The following NTN5 variants were observed in gnomAD, a reference collection of about 807,000 sequenced individuals.
NTN5 encodes the protein netrin 5, also known as netrin-5.
Under a neutral mutation model 38.7 loss-of-function variants are expected in NTN5, and 42 were observed. The observed-to-expected ratio is 1.08, with a 90% CI of 0.85 to 1.40. The LOEUF is 1.40. Among genes scored for constraint, NTN5 ranks in the 40% most tolerant of loss-of-function variants. NTN5 has a pLI of 0.00. For missense variants in NTN5, 658 were observed against 716.5 expected, an observed-to-expected ratio of 0.92 and a Z score of 0.93; for synonymous variants, 329 against 303.9, an observed-to-expected ratio of 1.08 and a Z score of -0.86.
chr19:48,665,800 CAG>C (rs906783137), intron 2 of NTN5, among the ~76,000 whole-genome samples: 1 of 149,682 alleles, frequency 6.7e-6, no homozygotes, highest in Non-Finnish European at 1.5e-5. Flanking sequence ...GCCAGGGTGA[CAG>C]AGCAAGACTC....
intron 6 of NTN5, 75 bp from the exon 7 acceptor site, chr19:48,662,116 C>T (rs2031566777): frequency 7.6e-7 from 1 of 1,322,668 alleles, no homozygotes; most frequent in Non-Finnish European, 9.7e-7. Flanking sequence ...GGGTCAGTCA[C>T]AGTGGGCAGG....
At chr19:48,668,898 G>A (rs535285762) in intron 2 of NTN5, among the ~76,000 whole-genome samples, 1 of 151,630 alleles carries the variant, frequency 6.6e-6, no homozygotes, top group African/African-American at 2.4e-5. Flanking sequence ...ATCCAGCCAG[G>A]CCCTGGGATG....
At position 48,666,677 on chromosome 19, in the gene NTN5, CT is replaced by C. The variant is rs35638493; in HGVS notation, c.632-1911del. On this transcript the variant is annotated intron_variant, in intron 2 of 6. Transcript: ENST00000270235. ...TGATACAGGGGGTTCACAGACCACTCTTTTTTTTTTTTTTTTTTTTTTTTTT... is the reference window on the plus strand; with the variant it reads ...TGATACAGGGGGTTCACAGACCACTCTTTTTTTTTTTTTTTTTTTTTTTTT... Among the ~76,000 whole-genome samples the C allele has an allele frequency of 3.5e-3, 142 of 41,156 alleles. 1 individual carries two copies. The highest frequency in any genetic ancestry group is 0.015 in the African/African-American group (130 of 8,962). 27.0% of individuals were successfully genotyped at this position (41,156 alleles called of 152,430 possible).
At chr19:48,666,999 G>A (rs1382337080) in intron 2 of NTN5, among the ~76,000 whole-genome samples, 1 of 151,990 alleles carries the variant, frequency 6.6e-6, no homozygotes, top group Admixed American at 6.6e-5. Flanking sequence ...GAAGAGTTGT[G>A]GGATAATCAG....
intron 2 of NTN5, 113 bp downstream of exon 2, chr19:48,670,243 G>A: frequency 8.7e-7 from 1 of 1,146,060 alleles, no homozygotes; most frequent in East Asian, 3.1e-5. Context: ...ACTGGGGTGA[G>A]AGGCAAGGAG....
Position 48,671,012 on chromosome 19 carries a change from G to T in NTN5, c.-20-6C>A. Reference sequence around the variant, plus strand: ...GGTCACAGCAGAGCCAGCACCTGGAGGGAAGAGAGGTGGCTGGGCTGGGGA... The same window carrying T: ...GGTCACAGCAGAGCCAGCACCTGGATGGAAGAGAGGTGGCTGGGCTGGGGA... On this transcript the variant is annotated splice_region_variant and splice_polypyrimidine_tract_variant and intron_variant, in intron 1 of 6. Coordinates refer to ENST00000270235, the MANE Select transcript of NTN5 (RefSeq NM_145807.4). The T allele has an allele frequency of 6.7e-7, 1 of 1,488,752 alleles. No individual in the cohort carries two copies. Among genetic ancestry groups the T allele is most frequent in the South Asian group, 1.4e-5 (1 of 72,300 alleles). The allele number at this position is 1,488,752 out of a possible 1,614,324, so 92.2% of individuals were successfully genotyped here.
At chr19:48,671,194 G>C (rs966736051) in intron 1 of NTN5, among the ~76,000 whole-genome samples, 188 bp from the exon 2 acceptor site, 1 of 152,114 alleles carries the variant, frequency 6.6e-6, no homozygotes, top group African/African-American at 2.4e-5. Context: ...GGGAAAGAAC[G>C]CAGACAAAAT....
Position 48,661,530 on chromosome 19 carries a change from G to T in NTN5, c.*147C>A. ...CCGCCTTTTGCTAAAAGTTCCGCACGCCTGCTCGGCGTGGGCGCAAGCATA... is the reference window on the plus strand; with the variant it reads ...CCGCCTTTTGCTAAAAGTTCCGCACTCCTGCTCGGCGTGGGCGCAAGCATA... On this transcript the variant is annotated 3_prime_UTR_variant, in exon 7 of 7. Coordinates refer to ENST00000270235, the MANE Select transcript of NTN5 (RefSeq NM_145807.4). 2 of 1,010,686 alleles carry T rather than the reference G, an allele frequency of 2.0e-6. No homozygotes were observed. Among genetic ancestry groups the T allele is most frequent in the Non-Finnish European group, 2.6e-6 (2 of 771,238 alleles). The allele number at this position is 1,010,686 out of a possible 1,614,324, so 62.6% of individuals were successfully genotyped here. A position where few individuals can be genotyped will look rare whatever the true frequency, so the allele number is the denominator to read the frequency against.
At chr19:48,671,632 GC>G (rs2031964558) in intron 1 of NTN5, among the ~76,000 whole-genome samples, 1 of 151,990 alleles carries the variant, frequency 6.6e-6, no homozygotes, top group Admixed American at 6.6e-5. Flanking sequence ...AGCCTGGCAG[GC>G]CCTGGGGAGG....
rs1240509044 is a variant in NTN5, at chr19:48,661,804, C to T, written c.1343G>A (p.Arg448His). 5.9e-6 allele frequency: 8 copies of T among 1,356,804 alleles called. No homozygotes were observed. The highest frequency in any genetic ancestry group is 3.3e-5 in the East Asian group (1 of 30,426). 84.0% of individuals were successfully genotyped at this position (1,356,804 alleles called of 1,614,324 possible). A position where few individuals can be genotyped will look rare whatever the true frequency, so the allele number is the denominator to read the frequency against. ...CCTCCATGGCAGCGCGAGGCCGTGG[C>T]GGTCGAGGATGAGGCGCGTGGGGTC... ...DPDPTRLILD[R>H]HGLALPWRPR... The change falls in exon 7 of 7, where the codon CGC becomes CAC. Residue 448 changes from arginine (R) to histidine (H), a missense_variant. Coordinates refer to ENST00000270235, the MANE Select transcript of NTN5 (RefSeq NM_145807.4).
chr19:48,666,047 C>T (rs1045218031), intron 2 of NTN5, among the ~76,000 whole-genome samples: 3 of 152,204 alleles, frequency 2.0e-5, no homozygotes, highest in African/African-American at 7.2e-5. Flanking sequence ...GTCTAGCATT[C>T]GTACGTGCAG....
rs747630484 is a variant in NTN5 at position 48,663,811 on chromosome 19, A to G, written c.974T>C (p.Ile325Thr). ...SRSPRMPCQR[I>T]PEATTTLATT... ...GGCAAGGGTGGTTGTTGCCTCTGGAATTCCTGTGAGACCAAAGGAGAAATT... is the reference window on the plus strand; with the variant it reads ...GGCAAGGGTGGTTGTTGCCTCTGGAGTTCCTGTGAGACCAAAGGAGAAATT... Residue 325 changes from isoleucine to threonine, a missense_variant, in exon 5 of 7, where the codon ATT becomes ACT. Ile to Thr is a moderately conservative substitution (Grantham distance 89, BLOSUM62 -1). Coordinates refer to ENST00000270235, the MANE Select transcript of NTN5 (RefSeq NM_145807.4). 3 of 1,613,946 alleles carry G rather than the reference A, an allele frequency of 1.9e-6. No homozygotes were observed. Among genetic ancestry groups the G allele is most frequent in the Non-Finnish European group, 2.5e-6 (3 of 1,179,812 alleles).
In NTN5 at chr19:48,664,792, G is replaced by A. The variant is rs996377650; in HGVS notation, c.632-25C>T. ...GCTAGGAGCAAAATGGGGTGGGGGC[G>A]CATCAGGGCCGAGTGTGCTGCTCCC... On this transcript the variant is annotated intron_variant, in intron 2 of 6. Coordinates refer to ENST00000270235, the MANE Select transcript of NTN5 (RefSeq NM_145807.4). 9.3e-6 allele frequency: 14 copies of A among 1,505,346 alleles called. No homozygotes were observed. The African/African-American group carries it at 1.1e-4, about 12-fold the overall frequency. The allele number at this position is 1,505,346 out of a possible 1,614,324, so 93.2% of individuals were successfully genotyped here. A position where few individuals can be genotyped will look rare whatever the true frequency, so the allele number is the denominator to read the frequency against.
In NTN5 at chr19:48,670,641, C is replaced by G. The variant is rs774303064; in HGVS notation, c.346G>C (p.Gly116Arg). The G allele has an allele frequency of 3.1e-6, 5 of 1,603,252 alleles. No individual in the cohort carries two copies. The highest frequency in any genetic ancestry group is 1.3e-5 in the African/African-American group (1 of 74,760). The change falls in exon 2 of 7, where the codon GGG (glycine) becomes CGG (arginine). Residue 116 changes from glycine (G) to arginine (R), a missense_variant. By Grantham distance (125) the Gly-to-Arg change is moderately radical. Coordinates refer to ENST00000270235, the MANE Select transcript of NTN5 (RefSeq NM_145807.4). Reference protein sequence around the residue: ...WHRPAWPGALGGPERVTFHST... With the variant: ...WHRPAWPGALRGPERVTFHST... ...TGGAAGGTCACCCTTTCAGGGCCCC[C>G]TAAGGCCCCAGGCCAGGCGGGCCTG...
intron 2 of NTN5, among the ~76,000 whole-genome samples, chr19:48,669,679 C>CCACTACCAT (rs1458126972): frequency 1.7e-5 from 2 of 118,278 alleles, no homozygotes; most frequent in African/African-American, 3.6e-5. Flanking sequence ...ACCATCATCA[C>CCACTACCAT]CACCATCACC....
chr19:48,669,537 CCAT>C (rs2031841922), intron 2 of NTN5, among the ~76,000 whole-genome samples: 1 of 41,152 alleles, frequency 2.4e-5, no homozygotes, highest in Non-Finnish European at 4.9e-5. Context: ...ATCACCACCA[CCAT>C]CACCACCACC....
chr19:48,661,942 A>T lies in NTN5; in HGVS notation c.1205T>A (p.Val402Glu). The change falls in exon 7 of 7, where the codon GTG (valine) becomes GAG (glutamate). Residue 402 changes from valine to glutamate, a missense_variant. Coordinates refer to ENST00000270235, the MANE Select transcript of NTN5 (RefSeq NM_145807.4). ...CCAGGCGTCCTGGTCGCCGCGTCGC[A>T]CGGGCTGCGCCCGCTGCTTGTAAAC... is the stretch of plus-strand genomic sequence containing the variant. Reference protein sequence around the residue: ...LAVYKQRAQPVRRGDQDAWVP... With the variant: ...LAVYKQRAQPERRGDQDAWVP... 5 of 1,388,558 alleles carry T rather than the reference A, an allele frequency of 3.6e-6. No homozygotes were observed. The highest frequency in any genetic ancestry group is 4.6e-6 in the Non-Finnish European group (5 of 1,076,870). The allele number at this position is 1,388,558 out of a possible 1,614,324, so 86.0% of individuals were successfully genotyped here. A position where few individuals can be genotyped will look rare whatever the true frequency, so the allele number is the denominator to read the frequency against.
rs448198 is a variant in NTN5, at chr19:48,664,973, C to T, written c.632-206G>A. Among the ~76,000 whole-genome samples the T allele has an allele frequency of 0.56, 84,940 of 151,582 alleles. 24,949 individuals are homozygous for T. Among genetic ancestry groups the T allele is most frequent in the Middle Eastern group, 0.78 (225 of 290 alleles). ...TGTCACCCAGGCTGGAGTGCAGTGGCGCGACCTCAGCTCACTGCAACCTCC... is the reference window on the plus strand; with the variant it reads ...TGTCACCCAGGCTGGAGTGCAGTGGTGCGACCTCAGCTCACTGCAACCTCC... On this transcript the variant is annotated intron_variant, in intron 2 of 6. Transcript: ENST00000270235.
At position 48,664,742 on chromosome 19, in the gene NTN5, T is replaced by TCGGG; in HGVS notation, c.653_656dup (p.Arg220ProfsTer8). The TCGGG allele has an allele frequency of 6.3e-7, 1 of 1,576,006 alleles. No homozygotes were observed. The highest frequency in any genetic ancestry group is 8.6e-7 in the Non-Finnish European group (1 of 1,161,628). On this transcript the variant is annotated frameshift_variant, in exon 3 of 7. Coordinates refer to ENST00000270235, the MANE Select transcript of NTN5 (RefSeq NM_145807.4). LOFTEE classifies it high-confidence loss of function. Reference sequence around the variant, plus strand: ...ACAGCTCAGAGTTGAACCGGCAGCGTCGGGCGTGCTGGTTGCAGGAGCAGG... The same window carrying TCGGG: ...ACAGCTCAGAGTTGAACCGGCAGCGTCGGGCGGGCGTGCTGGTTGCAGGAGCAGG...
Sources: gnomAD v4.1 joint callset for allele counts (sites outside exome capture counted in the v4.1 genomes callset) on GRCh38, gnomAD v4.1.1 for gene constraint, MANE v1.5 for transcripts, NCBI Gene and HGNC (gene_info 2026-07-23, HGNC 2026-07-21) for gene names.